Variants in SLC35F4 observed in about 807,000 individuals in gnomAD.
SLC35F4 encodes the protein solute carrier family 35 member F4.
A neutral mutation model predicts 44.2 loss-of-function variants in SLC35F4; 24 were observed. The ratio of observed to expected loss-of-function variants is 0.54; its 90% CI spans 0.39 to 0.76. The LOEUF (loss-of-function observed/expected upper bound fraction) is 0.76, where lower values mean the gene tolerates loss of function less well. SLC35F4 is among the 30% of genes least tolerant of loss of function. The pLI is 0.00. For missense variants in SLC35F4, 562 were observed against 586.1 expected (o/e 0.96, Z 0.42); for synonymous variants, 238 against 223.6 (o/e 1.06, Z -0.57).
intron 1 of SLC35F4, among the ~76,000 whole-genome samples, chr14:57,718,947 T>C (rs1814407915): frequency 6.6e-6 from 1 of 152,220 alleles, no homozygotes; most frequent in African/African-American, 2.4e-5. Context: ...TAAAATTTTC[T>C]TGTAGTTATT....
chr14:57,764,145 T>C (rs1056386384), intron 1 of SLC35F4, among the ~76,000 whole-genome samples: 7 of 152,116 alleles, frequency 4.6e-5, no homozygotes, highest in Non-Finnish European at 1.0e-4. Flanking sequence ...GCCTGAAGTT[T>C]CATGACAGAT....
chr14:57,781,523 A>T (rs1334658566), intron 1 of SLC35F4, among the ~76,000 whole-genome samples: 2 of 152,174 alleles, frequency 1.3e-5, no homozygotes, highest in Non-Finnish European at 2.9e-5. Context: ...CAAAGAGCTA[A>T]AAGTGGAGCT....
chr14:57,820,349 G>A (rs1595139576), intron 1 of SLC35F4, among the ~76,000 whole-genome samples: 1 of 152,168 alleles, frequency 6.6e-6, no homozygotes, highest in Admixed American at 6.5e-5. Context: ...GCTGAAAAGA[G>A]TTTTTAGGGC....
At chr14:57,597,408 T>G (rs900543445) in intron 1 of SLC35F4, among the ~76,000 whole-genome samples, 1 of 152,250 alleles carries the variant, frequency 6.6e-6, no homozygotes, top group Non-Finnish European at 1.5e-5. Context: ...GGGATCTGCA[T>G]GCTCCCAAAT....
intron 1 of SLC35F4, among the ~76,000 whole-genome samples, chr14:57,967,298 G>C (rs887926120): frequency 6.6e-6 from 1 of 152,156 alleles, no homozygotes; most frequent in African/African-American, 2.4e-5. Context: ...TGTTAAGGCT[G>C]ACAGCCCCTT....
At chr14:57,962,325 T>C (rs1420265370) in intron 1 of SLC35F4, among the ~76,000 whole-genome samples, 2 of 152,176 alleles carry the variant, frequency 1.3e-5, no homozygotes, top group Non-Finnish European at 1.5e-5. Flanking sequence ...AAGAACCAAG[T>C]AGACAGAACT....
chr14:57,595,134 T>A (rs561276107), intron 1 of SLC35F4, among the ~76,000 whole-genome samples: 1 of 152,366 alleles, frequency 6.6e-6, no homozygotes, highest in South Asian at 2.1e-4. Context: ...AATCATCATG[T>A]CCCTTTATCC....
chr14:57,923,513 T>C (rs1478526253), intron 1 of SLC35F4, among the ~76,000 whole-genome samples: 1 of 152,172 alleles, frequency 6.6e-6, no homozygotes, highest in Non-Finnish European at 1.5e-5. Context: ...CAACCAACAA[T>C]GTACAAAATA....
chr14:57,656,141 G>C (rs1420917103), intron 1 of SLC35F4, among the ~76,000 whole-genome samples: 1 of 151,890 alleles, frequency 6.6e-6, no homozygotes, highest in African/African-American at 2.4e-5. Flanking sequence ...TGCCCTGCCA[G>C]CCCCATCTTC....
At chr14:57,958,681 T>C (rs1011007820) in intron 1 of SLC35F4, among the ~76,000 whole-genome samples, 1 of 152,180 alleles carries the variant, frequency 6.6e-6, no homozygotes, top group Non-Finnish European at 1.5e-5. Flanking sequence ...AAAAAAATGG[T>C]ATTCCACTAC....
intron 1 of SLC35F4, among the ~76,000 whole-genome samples, chr14:57,621,021 T>C (rs11848344): frequency 0.6 from 89,289 of 148,304 alleles, 29,095 homozygotes; most frequent in Non-Finnish European, 0.74. Flanking sequence ...TATACACCAA[T>C]AACAGACAAA....
At chr14:57,776,032 CCAAA>C (rs1374876715) in intron 1 of SLC35F4, among the ~76,000 whole-genome samples, 1 of 152,006 alleles carries the variant, frequency 6.6e-6, no homozygotes, top group South Asian at 2.1e-4. Flanking sequence ...GCAGAATAAA[CCAAA>C]CAGAGGAAAG....
chr14:57,858,717 AAAAG>A (rs1470362009), intron 1 of SLC35F4, among the ~76,000 whole-genome samples: 1 of 151,630 alleles, frequency 6.6e-6, no homozygotes, highest in Non-Finnish European at 1.5e-5. Flanking sequence ...TACTATAAAA[AAAAG>A]AAAGAAAGAA....
intron 1 of SLC35F4, among the ~76,000 whole-genome samples, chr14:57,618,879 G>GCATCCCAGGTCCA (rs2072015066): frequency 6.6e-6 from 1 of 152,174 alleles, no homozygotes; most frequent in African/African-American, 2.4e-5. Context: ...CATTGCTGAG[G>GCATCCCAGGTCCA]CTTGAGTAGG....
chr14:57,839,659 C>A (rs1337319249), intron 1 of SLC35F4, among the ~76,000 whole-genome samples: 1 of 151,994 alleles, frequency 6.6e-6, no homozygotes, highest in Non-Finnish European at 1.5e-5. Context: ...AGGCTTAATA[C>A]CTAGGTGATG....
chr14:57,571,886 C>A lies in SLC35F4; in HGVS notation c.933+8G>T. The A allele has an allele frequency of 6.2e-7, 1 of 1,610,374 alleles. No individual in the cohort carries two copies. Among genetic ancestry groups the A allele is most frequent in the Non-Finnish European group, 8.5e-7 (1 of 1,178,214 alleles). ...ACAGTTGCTTACAAAAGAAAGTGCA[C>A]AACATACCTTATATAATGCAGATGT... On this transcript the variant is annotated splice_region_variant and intron_variant, in intron 5 of 7. Coordinates refer to ENST00000556826, the MANE Select transcript of SLC35F4 (RefSeq NM_001306087.2).
At chr14:57,879,468 TACCTCC>T (rs944670017) in intron 1 of SLC35F4, among the ~76,000 whole-genome samples, 1 of 152,086 alleles carries the variant, frequency 6.6e-6, no homozygotes, top group African/African-American at 2.4e-5. Context: ...TCCCTGCTCT[TACCTCC>T]ACCTCAGTCT....
chr14:57,730,403 C>CT (rs55694938), intron 1 of SLC35F4, among the ~76,000 whole-genome samples: 13 of 150,478 alleles, frequency 8.6e-5, no homozygotes, highest in African/African-American at 2.4e-4. Flanking sequence ...CGATGTTGAA[C>CT]TTTTTTTTTT....
At chr14:57,833,912 A>C (rs971352443) in intron 1 of SLC35F4, among the ~76,000 whole-genome samples, 4 of 152,354 alleles carry the variant, frequency 2.6e-5, no homozygotes, top group African/African-American at 9.6e-5. Flanking sequence ...CAACAGCCTC[A>C]ATTTGAGAAA....
Sources: allele counts gnomAD v4.1 joint callset (sites outside exome capture counted in the v4.1 genomes callset), GRCh38; gene constraint gnomAD v4.1.1; transcripts MANE v1.5; gene names NCBI Gene and HGNC (gene_info 2026-07-23, HGNC 2026-07-21).